The following PTPRB variants were observed in gnomAD, a reference collection of about 807,000 sequenced individuals.
PTPRB encodes the protein receptor-type tyrosine-protein phosphatase beta.
PTPRB carries 97 observed loss-of-function variants against 238.1 expected under a neutral mutation model. The ratio of observed to expected loss-of-function variants is 0.41; its 90% CI spans 0.35 to 0.48. The LOEUF is 0.48. Among genes scored for constraint, PTPRB ranks in the 20% least tolerant of loss-of-function variants. The pLI, the probability that PTPRB is intolerant of heterozygous loss-of-function variation, is 0.30. For missense variants in PTPRB, 2,292 were observed against 2,681.9 expected, an observed-to-expected ratio of 0.85 and a Z score of 3.21; for synonymous variants, 970 against 995.4, an observed-to-expected ratio of 0.97 and a Z score of 0.48.
intron 3 of PTPRB, among the ~76,000 whole-genome samples, chr12:70,614,737 T>C (rs1439134115): frequency 1.3e-5 from 2 of 152,140 alleles, no homozygotes; most frequent in Non-Finnish European, 2.9e-5. Flanking sequence ...AATGTGTCAA[T>C]TAAAAACAAC....
Position 70,635,606 on chromosome 12 carries a change from A to C in PTPRB, c.451+65T>G. On this transcript the variant is annotated intron_variant, in intron 2 of 33. Transcript: ENST00000334414. Reference sequence around the variant, plus strand: ...ATGTAAAACAAACAAACAAACAAACAAACAAAACCCCCAAGATATTTAGTA... The same window carrying C: ...ATGTAAAACAAACAAACAAACAAACCAACAAAACCCCCAAGATATTTAGTA... 2.6e-6 allele frequency: 4 copies of C among 1,520,516 alleles called. No individual in the cohort carries two copies. In the South Asian group the frequency reaches 5.1e-5, roughly 19 times the overall value. The allele number at this position is 1,520,516 out of a possible 1,614,324, so 94.2% of individuals were successfully genotyped here.
intron 14 of PTPRB, among the ~76,000 whole-genome samples, chr12:70,567,851 C>A (rs74613561): frequency 0.014 from 2,065 of 152,228 alleles, 34 homozygotes; most frequent in African/African-American, 0.047. Flanking sequence ...TTCTAGTATA[C>A]TTTTGCTTTT....
At chr12:70,580,044 A>AT (rs912996459) in intron 10 of PTPRB, among the ~76,000 whole-genome samples, 157 of 152,042 alleles carry the variant, frequency 1.0e-3, no homozygotes, top group African/African-American at 3.7e-3. Context: ...GGTTTATGTA[A>AT]TTTTTTTCTA....
Position 70,552,858 on chromosome 12 carries a change from T to A in PTPRB, c.5306A>T (p.Glu1769Val). The A allele has an allele frequency of 6.2e-7, 1 of 1,613,990 alleles. No homozygotes were observed. The highest frequency in any genetic ancestry group is 8.5e-7 in the Non-Finnish European group (1 of 1,179,874). The change falls in exon 21 of 34, where the codon GAG becomes GTG. Residue 1769 changes from glutamate to valine, a missense_variant. Coordinates refer to ENST00000334414, the MANE Select transcript of PTPRB (RefSeq NM_001109754.4). ...SKSFNIKLGA[E>V]MESLGGKCDP... ...GCATTTTCCACCTAGGCTCTCCATC[T>A]CTGCTCCAAGCTTAATGTTAAAACT...
chr12:70,604,217 G>A (rs551790579), intron 4 of PTPRB, among the ~76,000 whole-genome samples: 2 of 151,684 alleles, frequency 1.3e-5, no homozygotes, highest in African/African-American at 4.8e-5. Context: ...CTCCAGCCTG[G>A]GTAACAGAGC....
chr12:70,564,061 C>T (rs1878886227), intron 15 of PTPRB, among the ~76,000 whole-genome samples: 1 of 152,162 alleles, frequency 6.6e-6, no homozygotes, highest in Non-Finnish European at 1.5e-5. Context: ...CTTTACTGTT[C>T]CTCCAACAGG....
chr12:70,579,612 G>T (rs757507084), intron 10 of PTPRB, among the ~76,000 whole-genome samples: 1 of 150,050 alleles, frequency 6.7e-6, no homozygotes, highest in Non-Finnish European at 1.5e-5. Flanking sequence ...CAGGAGAATC[G>T]CTTGAACCAG....
intron 2 of PTPRB, among the ~76,000 whole-genome samples, chr12:70,630,940 C>A (rs928032023): frequency 2.0e-5 from 3 of 151,938 alleles, no homozygotes; most frequent in South Asian, 4.1e-4. Context: ...GACACAAACA[C>A]ATGGAAGAAC....
At chr12:70,626,181 A>G (rs183616590) in intron 2 of PTPRB, among the ~76,000 whole-genome samples, 3 of 152,034 alleles carry the variant, frequency 2.0e-5, no homozygotes, top group South Asian at 2.1e-4. Context: ...GGTACTTTCT[A>G]TTCTGTAGGA....
At chr12:70,531,393 G>A (rs1274942621) in intron 32 of PTPRB, among the ~76,000 whole-genome samples, 2 of 152,042 alleles carry the variant, frequency 1.3e-5, no homozygotes, top group Admixed American at 6.6e-5. Context: ...AGCCTTAGAA[G>A]GCATTGATGC....
intron 3 of PTPRB, 130 bp downstream of exon 3, chr12:70,622,260 G>A (rs1884972762): frequency 7.6e-7 from 1 of 1,319,238 alleles, no homozygotes; most frequent in African/African-American, 1.5e-5. Flanking sequence ...ACAATTAGCA[G>A]CCAGGACACA....
chr12:70,562,838 T>C lies in PTPRB; in HGVS notation c.4168+6A>G, dbSNP rs1209161226. The C allele has an allele frequency of 1.2e-6, 2 of 1,613,310 alleles. No homozygotes were observed. The highest frequency in any genetic ancestry group is 1.7e-6 in the Non-Finnish European group (2 of 1,179,406). On this transcript the variant is annotated splice_donor_region_variant and intron_variant, in intron 16 of 33. Transcript: ENST00000334414. Reference sequence around the variant, plus strand: ...CGATTCATTACTGCTTGGGTCTTGGTCTTACCTGTTCTACCAAATATGAAA... The same window carrying C: ...CGATTCATTACTGCTTGGGTCTTGGCCTTACCTGTTCTACCAAATATGAAA...
chr12:70,564,454 G>A (rs1328975144), intron 15 of PTPRB, among the ~76,000 whole-genome samples: 1 of 151,752 alleles, frequency 6.6e-6, no homozygotes, highest in Non-Finnish European at 1.5e-5. Flanking sequence ...AGGAGGTGGA[G>A]GTTGTGGTGA....
chr12:70,601,949 C>T (rs546914322), intron 4 of PTPRB, among the ~76,000 whole-genome samples: 480 of 142,252 alleles, frequency 3.4e-3, no homozygotes, highest in African/African-American at 0.012. Flanking sequence ...CGCCACCACG[C>T]CCGGCTAAGT....
At chr12:70,625,211 G>A (rs994620439) in intron 2 of PTPRB, among the ~76,000 whole-genome samples, 8 of 152,154 alleles carry the variant, frequency 5.3e-5, no homozygotes, top group Admixed American at 2.0e-4. Context: ...CAAGAAAGAA[G>A]ATTTAGTCTT....
At chr12:70,593,610 A>G (rs1882713266) in intron 6 of PTPRB, among the ~76,000 whole-genome samples, 1 of 152,066 alleles carries the variant, frequency 6.6e-6, no homozygotes, top group Non-Finnish European at 1.5e-5. Context: ...GTACATAAAT[A>G]ACTTTTAAGA....
At chr12:70,611,659 T>G (rs970406511) in intron 3 of PTPRB, among the ~76,000 whole-genome samples, 1 of 152,204 alleles carries the variant, frequency 6.6e-6, no homozygotes, top group African/African-American at 2.4e-5. Context: ...AAAACGAAGT[T>G]TCTTCCCCTC....
intron 10 of PTPRB, among the ~76,000 whole-genome samples, chr12:70,578,071 A>G (rs1409305045): frequency 6.6e-6 from 1 of 152,216 alleles, no homozygotes; most frequent in Non-Finnish European, 1.5e-5. Flanking sequence ...AAGTTTTCAC[A>G]GAAATATGAT....
At chr12:70,608,266 A>G (rs1228058338) in intron 4 of PTPRB, among the ~76,000 whole-genome samples, 1 of 152,210 alleles carries the variant, frequency 6.6e-6, no homozygotes, top group African/African-American at 2.4e-5. Flanking sequence ...GAAAACCTGA[A>G]AATTGTTAAA....
Sources: allele counts gnomAD v4.1 joint callset (sites outside exome capture counted in the v4.1 genomes callset), GRCh38; gene constraint gnomAD v4.1.1; transcripts MANE v1.5; gene names NCBI Gene and HGNC (gene_info 2026-07-23, HGNC 2026-07-21).